CD247: variants seen among roughly 807,000 people sequenced by gnomAD.
The protein encoded by CD247 is CD247 molecule.
In CD247, 13 loss-of-function variants were observed where a neutral mutation model predicts 30.0. The ratio of observed to expected loss-of-function variants is 0.43; its 90% CI spans 0.28 to 0.69. The LOEUF is 0.69. CD247 is among the 30% of genes least tolerant of loss of function. The pLI is 0.16. For missense variants in CD247, 193 were observed against 212.6 expected (o/e 0.91, Z 0.57); for synonymous variants, 72 against 80.0 (o/e 0.90, Z 0.53).
At chr1:167,442,545 A>G (rs960896221) in intron 1 of CD247, among the ~76,000 whole-genome samples, 1 of 152,168 alleles carries the variant, frequency 6.6e-6, no homozygotes, top group African/African-American at 2.4e-5. Flanking sequence ...TCGGACACTG[A>G]GGCACCGAGT....
intron 1 of CD247, among the ~76,000 whole-genome samples, chr1:167,460,749 C>A (rs1261398049): frequency 6.6e-6 from 1 of 152,174 alleles, no homozygotes; most frequent in Non-Finnish European, 1.5e-5. Flanking sequence ...GCCCCCTGAC[C>A]CCCCGACAGG....
At position 167,494,545 on chromosome 1, in the gene CD247, A is replaced by G. The variant is rs1252066727; in HGVS notation, c.58+23863T>C. On this transcript the variant is annotated intron_variant, in intron 1 of 7. Transcript: ENST00000362089. The surrounding 1 kb of genome is among the most constrained non-coding windows in gnomAD (Gnocchi z 7.3). ...CTCATGGGGCTGCTGTGAGGGTCAG[A>G]TGAGAAAATGGGTGGGGAGGTAATA... Among the ~76,000 whole-genome samples the G allele has an allele frequency of 2.0e-5, 3 of 152,176 alleles. No individual in the cohort carries two copies. The highest frequency in any genetic ancestry group is 4.8e-5 in the African/African-American group (2 of 41,448).
chr1:167,515,673 G>A (rs1276871283), intron 1 of CD247, among the ~76,000 whole-genome samples: 1 of 152,218 alleles, frequency 6.6e-6, no homozygotes, highest in Non-Finnish European at 1.5e-5. Context: ...GCCTACCTCT[G>A]CAATCATTGT....
intron 1 of CD247, chr1:167,448,282 G>T: frequency 1.2e-6 from 1 of 825,940 alleles, no homozygotes; most frequent in Non-Finnish European, 1.5e-6. Context: ...TCTACAGCCA[G>T]GGTTGAATCC....
At chr1:167,491,832 G>C (rs372731575) in intron 1 of CD247, among the ~76,000 whole-genome samples, 116 of 152,342 alleles carry the variant, frequency 7.6e-4, no homozygotes, top group African/African-American at 2.7e-3. Context: ...ATGGATGAAA[G>C]TTGAGGGCAT....
intron 1 of CD247, among the ~76,000 whole-genome samples, chr1:167,444,930 CTTT>C (rs748938948): frequency 6.9e-6 from 1 of 144,436 alleles, no homozygotes; most frequent in Admixed American, 6.9e-5. Flanking sequence ...AAATACGATA[CTTT>C]TTTTTTTTTT....
At chr1:167,444,371 C>T (rs146149135) in intron 1 of CD247, among the ~76,000 whole-genome samples, 199 of 152,312 alleles carry the variant, frequency 1.3e-3, no homozygotes, top group African/African-American at 4.3e-3. Flanking sequence ...GTGGCTTCTT[C>T]GTATTTCTAC....
At chr1:167,482,772 C>T (rs1016199669) in intron 1 of CD247, among the ~76,000 whole-genome samples, 1 of 152,118 alleles carries the variant, frequency 6.6e-6, no homozygotes, top group Admixed American at 6.5e-5. Context: ...GCTGCCCGTA[C>T]CCTGGGAAGG....
intron 1 of CD247, among the ~76,000 whole-genome samples, chr1:167,465,193 A>T (rs1375936168): frequency 6.6e-6 from 1 of 152,160 alleles, no homozygotes; most frequent in Non-Finnish European, 1.5e-5. Flanking sequence ...GAGTTGTTGG[A>T]GAAGGCGCCA....
intron 1 of CD247, among the ~76,000 whole-genome samples, chr1:167,476,490 G>A (rs1165019666): frequency 6.6e-6 from 1 of 152,126 alleles, no homozygotes; most frequent in Non-Finnish European, 1.5e-5. Context: ...TAATATATAG[G>A]ATTCTTCTCT....
intron 7 of CD247, among the ~76,000 whole-genome samples, chr1:167,432,575 TAAC>T (rs1457022677): frequency 6.6e-6 from 1 of 152,216 alleles, no homozygotes; most frequent in African/African-American, 2.4e-5. Flanking sequence ...CCTAACTACA[TAAC>T]ATTTTCTTTC....
At chr1:167,435,932 C>T (rs940334715) in intron 4 of CD247, among the ~76,000 whole-genome samples, 1 of 152,208 alleles carries the variant, frequency 6.6e-6, no homozygotes, top group Non-Finnish European at 1.5e-5. Flanking sequence ...TGCCCATTCA[C>T]TCTAGCAACA....
chr1:167,473,123 A>ACACACACC (rs1653600776), intron 1 of CD247, among the ~76,000 whole-genome samples: 2 of 151,460 alleles, frequency 1.3e-5, no homozygotes, highest in Admixed American at 6.6e-5. Flanking sequence ...ACACACACAC[A>ACACACACC]CACCCATCTG....
At chr1:167,474,353 G>A (rs188052725) in intron 1 of CD247, among the ~76,000 whole-genome samples, 204 of 152,226 alleles carry the variant, frequency 1.3e-3, no homozygotes, top group Non-Finnish European at 1.2e-3. Flanking sequence ...TGCTTGGGTA[G>A]GGGTGGGAGG....
intron 1 of CD247, among the ~76,000 whole-genome samples, chr1:167,452,865 T>C (rs1484037345): frequency 3.3e-5 from 5 of 151,762 alleles, no homozygotes; most frequent in African/African-American, 1.2e-4. Context: ...ACTTGCTATA[T>C]GCCAGGCACA....
intron 1 of CD247, among the ~76,000 whole-genome samples, chr1:167,443,220 A>G (rs1651921715): frequency 6.6e-6 from 1 of 152,198 alleles, no homozygotes; most frequent in Non-Finnish European, 1.5e-5. Flanking sequence ...CCTGAGACCA[A>G]TGGCTGCATC....
chr1:167,483,376 C>T (rs1474886317), intron 1 of CD247, among the ~76,000 whole-genome samples: 1 of 152,186 alleles, frequency 6.6e-6, no homozygotes, highest in Non-Finnish European at 1.5e-5. Context: ...CAGGGCTCTT[C>T]TCAGGGTGGT....
chr1:167,489,195 C>T (rs1654337550), intron 1 of CD247, among the ~76,000 whole-genome samples: 1 of 152,116 alleles, frequency 6.6e-6, no homozygotes, highest in African/African-American at 2.4e-5. Context: ...GATCCAACCC[C>T]CCTTCCCCAC....
rs148103926 is a variant in CD247 at position 167,458,859 on chromosome 1, C to T, written c.59-18092G>A. On this transcript the variant is annotated intron_variant, in intron 1 of 7. Transcript: ENST00000362089. ...TGGAGAAATTGGGAGCAATGGCTCA[C>T]GCCTGTAAATCCCAGCACTTTGGGA... Among the ~76,000 whole-genome samples the T allele has an allele frequency of 3.5e-3, 525 of 151,690 alleles. 4 individuals carry two copies. The highest frequency in any genetic ancestry group is 0.012 in the African/African-American group (503 of 41,346).
Sources: allele counts gnomAD v4.1 joint callset (sites outside exome capture counted in the v4.1 genomes callset), GRCh38; gene constraint gnomAD v4.1.1; non-coding constraint Gnocchi (gnomAD v3.1); transcripts MANE v1.5; gene names NCBI Gene and HGNC (gene_info 2026-07-23, HGNC 2026-07-21).